The following AGBL1 variants were observed in gnomAD, a reference collection of about 807,000 sequenced individuals.
AGBL1 encodes AGBL carboxypeptidase 1.
In AGBL1, 130 loss-of-function variants were observed where a neutral mutation model predicts 118.9. The observed-to-expected ratio is 1.09, with a 90% CI of 0.95 to 1.26. The LOEUF (loss-of-function observed/expected upper bound fraction) is 1.26. Ranked by LOEUF, AGBL1 falls within the 50% of genes most tolerant of loss-of-function variation. The pLI is 0.00. For synonymous variants in AGBL1, 555 were observed against 478.9 expected (o/e 1.16, Z -2.08); for missense variants, 1,584 against 1,298.1 (o/e 1.22, Z -3.38).
chr15:86,238,841 A>G (rs1220514996), intron 6 of AGBL1, among the ~76,000 whole-genome samples: 1 of 151,706 alleles, frequency 6.6e-6, no homozygotes, highest in East Asian at 1.9e-4. Flanking sequence ...TTTTGTAGAG[A>G]TGGGGGTCTC....
chr15:86,763,296 T>A (rs933202913), intron 22 of AGBL1, among the ~76,000 whole-genome samples: 4 of 152,036 alleles, frequency 2.6e-5, no homozygotes, highest in Non-Finnish European at 5.9e-5. Context: ...GAAAATGTTT[T>A]AGATTATTTG....
intron 17 of AGBL1, among the ~76,000 whole-genome samples, chr15:86,383,275 A>AAAAAAAAAAAAT (rs544397935): frequency 1.7e-5 from 2 of 118,892 alleles, no homozygotes; most frequent in African/African-American, 6.4e-5. Context: ...AAAAAAAAAA[A>AAAAAAAAAAAAT]TCCTAATTGC....
intron 5 of AGBL1, among the ~76,000 whole-genome samples, chr15:86,201,912 A>T (rs74757443): frequency 0.012 from 1,865 of 152,298 alleles, 22 homozygotes; most frequent in East Asian, 0.058. Flanking sequence ...GTTTGGGCAC[A>T]TGTAGGGGGC....
intron 21 of AGBL1, among the ~76,000 whole-genome samples, chr15:86,648,352 C>A (rs1213309938): frequency 6.6e-6 from 1 of 152,080 alleles, no homozygotes; most frequent in African/African-American, 2.4e-5. Context: ...ATGTTGAAGG[C>A]AGAGCCAATA....
intron 22 of AGBL1, among the ~76,000 whole-genome samples, chr15:86,827,982 C>A (rs1245200989): frequency 2.5e-5 from 1 of 40,154 alleles, no homozygotes; most frequent in Non-Finnish European, 5.1e-5. Context: ...GTTTTGTCAC[C>A]CGGGCTGGAG....
chr15:86,429,078 G>A (rs866050117), intron 18 of AGBL1, among the ~76,000 whole-genome samples: 2 of 152,270 alleles, frequency 1.3e-5, no homozygotes, highest in Admixed American at 1.3e-4. Flanking sequence ...CTTTCCCTTC[G>A]CTCTGCCTCC....
chr15:86,246,814 A>G (rs532736898), intron 6 of AGBL1, among the ~76,000 whole-genome samples: 1 of 152,300 alleles, frequency 6.6e-6, no homozygotes, highest in East Asian at 1.9e-4. Flanking sequence ...TCTCTTAGAC[A>G]TGGCAGCCTT....
intron 2 of AGBL1, among the ~76,000 whole-genome samples, chr15:86,142,945 G>T (rs1439771657): frequency 6.6e-6 from 1 of 152,162 alleles, no homozygotes; most frequent in Non-Finnish European, 1.5e-5. Context: ...AAATCAGATG[G>T]TCGTCTTTGA....
intron 22 of AGBL1, among the ~76,000 whole-genome samples, chr15:86,806,696 T>C (rs1171306156): frequency 6.6e-6 from 1 of 152,000 alleles, no homozygotes; most frequent in African/African-American, 2.4e-5. Flanking sequence ...TTAATTTATG[T>C]ATAAAAGCAC....
intron 17 of AGBL1, among the ~76,000 whole-genome samples, chr15:86,304,408 A>G (rs76879754): frequency 0.033 from 5,048 of 152,260 alleles, 186 homozygotes; most frequent in East Asian, 0.17. Context: ...GGATCATGAT[A>G]TCTAATGTTG....
chr15:86,489,738 G>T (rs1270920123), intron 18 of AGBL1, among the ~76,000 whole-genome samples: 1 of 152,126 alleles, frequency 6.6e-6, no homozygotes, highest in Non-Finnish European at 1.5e-5. Flanking sequence ...TAAAGCCCAA[G>T]ACATTTGCGA....
chr15:86,550,202 AGAAGAT>A (rs2083645913), intron 20 of AGBL1, among the ~76,000 whole-genome samples: 1 of 152,148 alleles, frequency 6.6e-6, no homozygotes, highest in Non-Finnish European at 1.5e-5. Flanking sequence ...TAATGAGAGA[AGAAGAT>A]AGTATAGGAG....
At chr15:86,367,147 G>A (rs576677051) in intron 17 of AGBL1, among the ~76,000 whole-genome samples, 27 of 152,274 alleles carry the variant, frequency 1.8e-4, no homozygotes, top group African/African-American at 6.3e-4. Flanking sequence ...TGGTTTCAAC[G>A]AAGTAGAAAA....
At chr15:86,468,252 T>C (rs571127684) in intron 18 of AGBL1, among the ~76,000 whole-genome samples, 82 of 152,276 alleles carry the variant, frequency 5.4e-4, no homozygotes, top group African/African-American at 1.9e-3. Context: ...ACCTTTTTTC[T>C]AACTGGTCCT....
intron 17 of AGBL1, among the ~76,000 whole-genome samples, chr15:86,387,582 A>G (rs1185951715): frequency 6.6e-6 from 1 of 152,218 alleles, no homozygotes; most frequent in East Asian, 1.9e-4. Flanking sequence ...CCTGAACATT[A>G]GTAGGAAAAT....
At chr15:86,641,080 T>C (rs1231251453) in intron 21 of AGBL1, among the ~76,000 whole-genome samples, 1 of 152,128 alleles carries the variant, frequency 6.6e-6, no homozygotes. Flanking sequence ...TCCTTCTTAA[T>C]TGATAAAAGA....
At chr15:86,562,981 G>A (rs1297537282) in intron 21 of AGBL1, among the ~76,000 whole-genome samples, 6 of 152,084 alleles carry the variant, frequency 3.9e-5, no homozygotes, top group Non-Finnish European at 8.8e-5. Flanking sequence ...TGTGGGATCG[G>A]TGGTGATATC....
At chr15:86,523,748 A>G (rs1312199966) in intron 19 of AGBL1, among the ~76,000 whole-genome samples, 1 of 152,194 alleles carries the variant, frequency 6.6e-6, no homozygotes, top group Non-Finnish European at 1.5e-5. Flanking sequence ...AGGGATTTTT[A>G]TATCTAGGCT....
At chr15:86,523,757 C>T (rs1453167286) in intron 19 of AGBL1, among the ~76,000 whole-genome samples, 1 of 152,160 alleles carries the variant, frequency 6.6e-6, no homozygotes, top group Admixed American at 6.5e-5. Flanking sequence ...TATATCTAGG[C>T]TGTTTTCCCA....
Sources: gnomAD v4.1 joint callset for allele counts (sites outside exome capture counted in the v4.1 genomes callset) on GRCh38, gnomAD v4.1.1 for gene constraint, MANE v1.5 for transcripts, NCBI Gene and HGNC (gene_info 2026-07-23, HGNC 2026-07-21) for gene names.